Variants in TMEM143 observed in about 807,000 individuals in gnomAD.
TMEM143 encodes transmembrane protein 143.
In TMEM143, 45 loss-of-function variants were observed where a neutral mutation model predicts 40.3. That is an observed-to-expected ratio of 1.12 (90% CI 0.88 to 1.43). TMEM143 has a LOEUF of 1.43. Among genes scored for constraint, TMEM143 ranks in the 40% most tolerant of loss-of-function variants. The pLI, the probability that TMEM143 is intolerant of heterozygous loss-of-function variation, is 0.00. For missense variants in TMEM143, 620 were observed against 613.4 expected, an observed-to-expected ratio of 1.01 and a Z score of -0.11; for synonymous variants, 299 against 282.7, an observed-to-expected ratio of 1.06 and a Z score of -0.58.
At position 48,333,124 on chromosome 19, in the gene TMEM143, G is replaced by T; in HGVS notation, c.*95C>A. The T allele has an allele frequency of 1.0e-6, 1 of 970,264 alleles. No homozygotes were observed. The highest frequency in any genetic ancestry group is 1.4e-6 in the Non-Finnish European group (1 of 706,000). The allele number at this position is 970,264 out of a possible 1,614,324, so 60.1% of individuals were successfully genotyped here. ...ATCACCTGTCAGTTATTGGAAGTTG[G>T]AGTGAAAAGTATAATAACCGTAATT... On this transcript the variant is annotated 3_prime_UTR_variant, in exon 8 of 8. Coordinates refer to ENST00000293261, the MANE Select transcript of TMEM143 (RefSeq NM_018273.4). The surrounding 1 kb of genome is among the most constrained non-coding windows in gnomAD (Gnocchi z 4.1).
At position 48,334,192 on chromosome 19, in the gene TMEM143, G is replaced by C. The variant is rs746708072; in HGVS notation, c.981C>G (p.Phe327Leu). 1 of 1,600,688 alleles carries C rather than the reference G, an allele frequency of 6.2e-7. No homozygotes were observed. The highest frequency in any genetic ancestry group is 2.3e-5 in the East Asian group (1 of 44,390). The change falls in exon 7 of 8, where the codon TTC (phenylalanine) becomes TTG (leucine). Residue 327 changes from phenylalanine to leucine, a missense_variant. By Grantham distance (22) the Phe-to-Leu change is conservative. Coordinates refer to ENST00000293261, the MANE Select transcript of TMEM143 (RefSeq NM_018273.4). ...ACGCCTGCGCGCTGCGCCGCTGCCC[G>C]AACATCTGCAGGCGGGACAGCGCCC... Reference protein sequence around the residue: ...IFMGLRASKMFGQRRSAQALE... With the variant: ...IFMGLRASKMLGQRRSAQALE...
At chr19:48,348,959 T>C (rs777471231) in intron 3 of TMEM143, among the ~76,000 whole-genome samples, 3 of 152,072 alleles carry the variant, frequency 2.0e-5, no homozygotes, top group African/African-American at 4.8e-5. Context: ...GAGGATTGCT[T>C]GAGCCCAGGA....
At chr19:48,363,565 C>T (rs1376822312) in intron 1 of TMEM143, 34 bp from the exon 2 acceptor site, 1 of 1,562,694 alleles carries the variant, frequency 6.4e-7, no homozygotes, top group Non-Finnish European at 8.7e-7. Flanking sequence ...GGTCAAAGGC[C>T]ATCTAGAGGA....
At chr19:48,354,796 A>G (rs1423843228) in intron 3 of TMEM143, among the ~76,000 whole-genome samples, 2 of 152,044 alleles carry the variant, frequency 1.3e-5, no homozygotes, top group African/African-American at 4.8e-5. Flanking sequence ...CAACCAAGCT[A>G]TTGTTTGAAC....
At chr19:48,351,483 A>G (rs1969773655) in intron 3 of TMEM143, among the ~76,000 whole-genome samples, 1 of 151,972 alleles carries the variant, frequency 6.6e-6, no homozygotes, top group Non-Finnish European at 1.5e-5. Context: ...CAGCAATTCC[A>G]GTCTTTGCTT....
Position 48,363,452 on chromosome 19 carries a change from G to A in TMEM143, c.103C>T (p.Pro35Ser), listed in dbSNP as rs917332861. The change falls in exon 2 of 8, where the codon CCC becomes TCC. Residue 35 changes from proline (P) to serine (S), a missense_variant. Coordinates refer to ENST00000293261, the MANE Select transcript of TMEM143 (RefSeq NM_018273.4). The stretch of plus-strand genomic sequence containing the variant: ...GCCCGGGGGGGCCCGAGGAGCGCGG[G>A]CAACAGTGGCCATACTCGGACCCTG... ...GSRVRVWPLL[P>S]ALLGPPRALS... is the part of the protein sequence containing the mutation. 6.2e-7 allele frequency: 1 copy of A among 1,613,936 alleles called. No individual in the cohort carries two copies. The highest frequency in any genetic ancestry group is 1.1e-5 in the South Asian group (1 of 91,084).
chr19:48,357,550 G>T (rs1000288117), intron 3 of TMEM143, among the ~76,000 whole-genome samples: 16 of 150,816 alleles, frequency 1.1e-4, no homozygotes, highest in African/African-American at 3.9e-4. Context: ...TAGAGACAGG[G>T]TTTCACCGTG....
rs1308434230 is a variant in TMEM143 at position 48,334,122 on chromosome 19, A to C, written c.1051T>G (p.Ser351Ala). The C allele has an allele frequency of 6.2e-7, 1 of 1,605,974 alleles. No individual in the cohort carries two copies. ...AGGGCCAGGGCGCTGAGCAGCTCCG[A>C]GTTGTTGGACGTACTGCGATAGTAC... ...MLYYRSTSNN[S>A]ELLSALALRA... Residue 351 changes from serine to alanine, a missense_variant, in exon 7 of 8, where the codon TCG (serine) becomes GCG (alanine). Physicochemically the swap from Ser to Ala is moderately conservative, Grantham distance 99 (BLOSUM62 1). Transcript: ENST00000293261.
Position 48,333,735 on chromosome 19 carries a change from G to A in TMEM143, c.1165+273C>T, listed in dbSNP as rs944294333. On this transcript the variant is annotated intron_variant, in intron 7 of 7. Transcript: ENST00000293261. The surrounding 1 kb of genome is among the most constrained non-coding windows in gnomAD (Gnocchi z 4.1). ...CAGGGAGCGCGCAGGATCTCTTGTA[G>A]GGAGAGTGTCAGCTCAGGTAGAGGA... Among the ~76,000 whole-genome samples, 2 of 152,114 alleles carry A rather than the reference G, an allele frequency of 1.3e-5. No homozygotes were observed. The highest frequency in any genetic ancestry group is 4.8e-5 in the African/African-American group (2 of 41,438).
At chr19:48,340,861 C>A (rs1484122519) in intron 6 of TMEM143, among the ~76,000 whole-genome samples, 1 of 152,228 alleles carries the variant, frequency 6.6e-6, no homozygotes, top group South Asian at 2.1e-4. Flanking sequence ...CTGGATCCAG[C>A]CCCATGAGAT....
rs752452777 is a variant in TMEM143 at position 48,345,335 on chromosome 19, T to C, written c.389A>G (p.Asn130Ser). 3.2e-6 allele frequency: 5 copies of C among 1,576,094 alleles called. No homozygotes were observed. The highest frequency in any genetic ancestry group is 1.8e-5 in the Admixed American group (1 of 54,642). The change falls in exon 4 of 8, where the codon AAC (asparagine) becomes AGC (serine). Residue 130 changes from asparagine to serine, a missense_variant. Transcript: ENST00000293261. The part of the protein sequence containing the change: ...ARLQALYDPI[N>S]PDRETLDQPS... ...CTGATCGAGGGTCTCCCTGTCAGGG[T>C]TGATGGGGTCATATAAGGCCTAAGA...
Position 48,357,563 on chromosome 19 carries a change from A to G in TMEM143, c.369+2509T>C, listed in dbSNP as rs543368600. On this transcript the variant is annotated intron_variant, in intron 3 of 7. Coordinates refer to ENST00000293261, the MANE Select transcript of TMEM143 (RefSeq NM_018273.4). Reference sequence around the variant, plus strand: ...AGTAGAGACAGGGTTTCACCGTGTTAGACAGGATGGTCTCGATCTCCTGAC... The same window carrying G: ...AGTAGAGACAGGGTTTCACCGTGTTGGACAGGATGGTCTCGATCTCCTGAC... 1.3e-3 allele frequency among the ~76,000 whole-genome samples: 191 copies of G among 150,352 alleles called. 1 individual carries two copies. Among genetic ancestry groups the G allele is most frequent in the African/African-American group, 4.4e-3 (179 of 40,892 alleles).
chr19:48,350,984 C>T (rs770055052), intron 3 of TMEM143, among the ~76,000 whole-genome samples: 2 of 150,962 alleles, frequency 1.3e-5, no homozygotes, highest in Non-Finnish European at 2.9e-5. Flanking sequence ...TTGCTGCTGC[C>T]ATATTCCACC....
rs1969256477 is a variant in TMEM143 at position 48,333,230 on chromosome 19, T to TA, written c.1368dup (p.Asn457Ter). The TA allele has an allele frequency of 2.7e-6, 4 of 1,485,942 alleles. No homozygotes were observed. The highest frequency in any genetic ancestry group is 3.6e-6 in the Non-Finnish European group (4 of 1,103,510). 92.0% of individuals were successfully genotyped at this position (1,485,942 alleles called of 1,614,324 possible). A position where few individuals can be genotyped will look rare whatever the true frequency, so the allele number is the denominator to read the frequency against. On this transcript the variant is annotated frameshift_variant, in exon 8 of 8. Coordinates refer to ENST00000293261, the MANE Select transcript of TMEM143 (RefSeq NM_018273.4). LOFTEE classifies it high-confidence loss of function. This position sits in a 1 kb window ranked among gnomAD's most constrained non-coding sequence, Gnocchi z 4.1. ...GAGGTAGGTTCTACTCAGGAGATGT[T>TA]ACTGCTGGGCGTGGCTTGCGGGGGC...
rs757735908 is a variant in TMEM143, at chr19:48,360,200, T to C, written c.265-24A>G. On this transcript the variant is annotated intron_variant, in intron 2 of 7. Transcript: ENST00000293261. ...TCCTGTTACCTCAGGAAGCAAAACT[T>C]CTCTGTAGGCCTTTTCCCCTTCCCC... 4 of 1,607,712 alleles carry C rather than the reference T, an allele frequency of 2.5e-6. No homozygotes were observed. In the African/African-American group the frequency reaches 5.3e-5, roughly 21 times the overall value.
At chr19:48,344,414 G>A (rs769396801) in intron 4 of TMEM143, among the ~76,000 whole-genome samples, 2 of 150,430 alleles carry the variant, frequency 1.3e-5, no homozygotes, top group Non-Finnish European at 3.0e-5. Context: ...TCAGCCTCCC[G>A]AGTAGCTGGG....
chr19:48,362,955 G>A (rs541643436), intron 2 of TMEM143, among the ~76,000 whole-genome samples: 1 of 152,292 alleles, frequency 6.6e-6, no homozygotes, highest in Non-Finnish European at 1.5e-5. Context: ...ACAGCGTTGT[G>A]ACTTTATAGG....
At chr19:48,336,622 A>C (rs997268186) in intron 6 of TMEM143, among the ~76,000 whole-genome samples, 1 of 152,038 alleles carries the variant, frequency 6.6e-6, no homozygotes, top group African/African-American at 2.4e-5. Context: ...GAATCTCTTG[A>C]ACCCGGGAGG....
chr19:48,351,734 C>T (rs1382012738), intron 3 of TMEM143, among the ~76,000 whole-genome samples: 1 of 152,156 alleles, frequency 6.6e-6, no homozygotes, highest in East Asian at 1.9e-4. Context: ...GGCTTGCTCC[C>T]CTCTCCTTCA....
Sources: gnomAD v4.1 joint callset for allele counts (sites outside exome capture counted in the v4.1 genomes callset) on GRCh38, gnomAD v4.1.1 for gene constraint, Gnocchi (gnomAD v3.1) non-coding constraint, MANE v1.5 for transcripts, NCBI Gene and HGNC (gene_info 2026-07-23, HGNC 2026-07-21) for gene names.